Variants in ANKRD62 observed in about 807,000 individuals in gnomAD.
ANKRD62 encodes ankyrin repeat domain 62.
Under a neutral mutation model 98.8 loss-of-function variants are expected in ANKRD62, and 61 were observed. The observed-to-expected ratio is 0.62, with a 90% CI of 0.50 to 0.76. The LOEUF is 0.76. Among genes scored for constraint, ANKRD62 ranks in the 30% least tolerant of loss-of-function variants. ANKRD62 has a pLI of 0.00. For missense variants in ANKRD62, 933 were observed against 1,082.9 expected (o/e 0.86, Z 1.94); for synonymous variants, 341 against 367.9 (o/e 0.93, Z 0.84).
chr18:12,104,099 CTTG>C (rs1455132308), intron 7 of ANKRD62, among the ~76,000 whole-genome samples: 12 of 152,042 alleles, frequency 7.9e-5, no homozygotes, highest in Admixed American at 6.6e-5. Flanking sequence ...GAGATAAAAT[CTTG>C]TTAAGTGAAG....
intron 7 of ANKRD62, among the ~76,000 whole-genome samples, 159 bp from the exon 8 acceptor site, chr18:12,107,136 A>G (rs1161840990): frequency 7.7e-5 from 2 of 26,116 alleles, no homozygotes; most frequent in Non-Finnish European, 2.4e-4. Flanking sequence ...AAAAATTATA[A>G]TATAATTATA....
the ANKRD62 span, among the ~76,000 whole-genome samples, chr18:12,168,639 G>A: frequency 1.3e-5 from 2 of 152,122 alleles, no homozygotes; most frequent in Non-Finnish European, 2.9e-5. Flanking sequence ...ATTCCATGTG[G>A]ACTTTAAAGT....
intron 6 of ANKRD62, among the ~76,000 whole-genome samples, chr18:12,100,855 C>G (rs1352062604): frequency 1.3e-5 from 2 of 152,122 alleles, no homozygotes; most frequent in African/African-American, 4.8e-5. Flanking sequence ...CACTCTGTTA[C>G]CATTAGCTAA....
chr18:12,107,353 A>T lies in ANKRD62; in HGVS notation c.950A>T (p.His317Leu), dbSNP rs1393678725. The T allele has an allele frequency of 6.6e-7, 1 of 1,516,936 alleles. No individual in the cohort carries two copies. Among genetic ancestry groups the T allele is most frequent in the East Asian group, 2.5e-5 (1 of 39,900 alleles). The allele number at this position is 1,516,936 out of a possible 1,614,324, so 94.0% of individuals were successfully genotyped here. ...AAAATGGAAGTGTCAAGAAACGTAC[A>T]TGCTGATGACAGTGACAATTATAAT... ...NKKMEVSRNVHADDSDNYNDD... is the reference protein window; with the variant it reads ...NKKMEVSRNVLADDSDNYNDD... Residue 317 changes from histidine to leucine, a missense_variant, in exon 8 of 14, where the codon CAT (histidine) becomes CTT (leucine). By Grantham distance (99) the His-to-Leu change is moderately conservative (BLOSUM62 -3). Around this residue, in one of 3 missense-constraint regions of ANKRD62, gnomAD observed 549 missense variants for 587.9 expected, o/e 0.93. Coordinates refer to ENST00000587848, the MANE Select transcript of ANKRD62 (RefSeq NM_001277333.2).
At chr18:12,145,954 A>G in the ANKRD62 span, among the ~76,000 whole-genome samples, 5 of 151,892 alleles carry the variant, frequency 3.3e-5, no homozygotes, top group Admixed American at 1.3e-4. Flanking sequence ...GTCTCCAGCC[A>G]CCCGCACCAG....
chr18:12,164,615 A>T, the ANKRD62 span, among the ~76,000 whole-genome samples: 1 of 151,838 alleles, frequency 6.6e-6, no homozygotes, highest in Non-Finnish European at 1.5e-5. Flanking sequence ...TGATGTAGGC[A>T]ATTATAGCTA....
the ANKRD62 span, among the ~76,000 whole-genome samples, chr18:12,155,444 T>A: frequency 6.6e-6 from 1 of 152,264 alleles, no homozygotes; most frequent in Middle Eastern, 3.4e-3. Flanking sequence ...CTTCTTCCTG[T>A]TTCCATTGAC....
At chr18:12,123,449 A>T (rs186070073) in intron 11 of ANKRD62, among the ~76,000 whole-genome samples, 1 of 152,342 alleles carries the variant, frequency 6.6e-6, no homozygotes, top group East Asian at 1.9e-4. Flanking sequence ...AGTTTAAATT[A>T]ATTCAAACTT....
At chr18:12,146,432 C>G in the ANKRD62 span, among the ~76,000 whole-genome samples, 1 of 152,096 alleles carries the variant, frequency 6.6e-6, no homozygotes, top group Admixed American at 6.5e-5. Context: ...AAAATGGGGC[C>G]AGACTTTTTT....
the ANKRD62 span, among the ~76,000 whole-genome samples, chr18:12,150,982 G>A: frequency 6.6e-6 from 1 of 152,068 alleles, no homozygotes; most frequent in Non-Finnish European, 1.5e-5. Flanking sequence ...CACTAAAAAG[G>A]CACCGTGTGG....
intron 10 of ANKRD62, among the ~76,000 whole-genome samples, chr18:12,116,975 T>A (rs1053005121): frequency 1.3e-5 from 2 of 152,216 alleles, no homozygotes; most frequent in African/African-American, 4.8e-5. Flanking sequence ...TTTCTATAGT[T>A]TATCAGATTT....
At chr18:12,133,691 C>T (rs1381169209), downstream of ANKRD62, among the ~76,000 whole-genome samples, 3 of 152,026 alleles carry the variant, frequency 2.0e-5, no homozygotes, top group East Asian at 1.9e-4. Context: ...AAAACCTGGT[C>T]GTTATCCTTT....
the ANKRD62 span, among the ~76,000 whole-genome samples, chr18:12,138,944 C>T: frequency 2.3e-3 from 353 of 152,174 alleles, no homozygotes; most frequent in African/African-American, 3.3e-3. Flanking sequence ...TGTCTCTGCA[C>T]GTGAGATGGG....
chr18:12,110,460 A>G (rs1163755722), intron 8 of ANKRD62, among the ~76,000 whole-genome samples: 2 of 152,186 alleles, frequency 1.3e-5, no homozygotes, highest in Non-Finnish European at 2.9e-5. Flanking sequence ...TATGTGTATA[A>G]TTTTTTAAAT....
intron 8 of ANKRD62, among the ~76,000 whole-genome samples, chr18:12,112,913 T>G (rs1253372371): frequency 6.6e-6 from 1 of 152,178 alleles, no homozygotes; most frequent in Non-Finnish European, 1.5e-5. Flanking sequence ...TTTTTTTCTT[T>G]TTCTTTTAGT....
chr18:12,156,922 A>G, the ANKRD62 span, among the ~76,000 whole-genome samples: 1 of 152,150 alleles, frequency 6.6e-6, no homozygotes, highest in African/African-American at 2.4e-5. Flanking sequence ...AAGATATATG[A>G]TAACTTCCTC....
chr18:12,162,324 G>T, the ANKRD62 span, among the ~76,000 whole-genome samples: 1 of 151,968 alleles, frequency 6.6e-6, no homozygotes, highest in Non-Finnish European at 1.5e-5. Context: ...CTTCTTTTGA[G>T]GAAATGTCTG....
the ANKRD62 span, among the ~76,000 whole-genome samples, chr18:12,156,082 C>T: frequency 6.6e-6 from 1 of 151,100 alleles, no homozygotes; most frequent in African/African-American, 2.4e-5. Context: ...TCTCCTTCCC[C>T]CCTCCCTCTC....
At chr18:12,169,488 G>A in the ANKRD62 span, among the ~76,000 whole-genome samples, 1 of 152,202 alleles carries the variant, frequency 6.6e-6, no homozygotes, top group Non-Finnish European at 1.5e-5. Context: ...AAGCCAACTT[G>A]ATCTTGGTGG....
Sources: allele counts gnomAD v4.1 joint callset (sites outside exome capture counted in the v4.1 genomes callset), GRCh38; gene constraint gnomAD v4.1.1; regional missense constraint gnomAD v4.1.1; transcripts MANE v1.5; gene names NCBI Gene and HGNC (gene_info 2026-07-23, HGNC 2026-07-21).